AKAP10: variants seen among roughly 807,000 people sequenced by gnomAD.
AKAP10 encodes the protein A-kinase anchor protein 10, mitochondrial.
In AKAP10, 24 loss-of-function variants were observed where a neutral mutation model predicts 80.8. The observed-to-expected ratio is 0.30, with a 90% CI of 0.22 to 0.42. The LOEUF (loss-of-function observed/expected upper bound fraction) is 0.42, where lower values mean the gene tolerates loss of function less well. Among genes scored for constraint, AKAP10 ranks in the 10% least tolerant of loss-of-function variants. The pLI, the probability that AKAP10 is intolerant of heterozygous loss-of-function variation, is 1.00. For missense variants in AKAP10, 661 were observed against 794.9 expected, an observed-to-expected ratio of 0.83 and a Z score of 2.03; for synonymous variants, 291 against 277.7, an observed-to-expected ratio of 1.05 and a Z score of -0.48.
At chr17:19,922,914 A>C (rs1293251141) in intron 11 of AKAP10, among the ~76,000 whole-genome samples, 2 of 152,150 alleles carry the variant, frequency 1.3e-5, no homozygotes, top group Non-Finnish European at 2.9e-5. Context: ...AACCAAAACA[A>C]AACAAAAACA....
chr17:19,950,573 G>A (rs973754759), intron 4 of AKAP10, among the ~76,000 whole-genome samples: 1 of 152,256 alleles, frequency 6.6e-6, no homozygotes, highest in South Asian at 2.1e-4. Context: ...GGCCTCCCGA[G>A]GTGCCAGGAT....
At chr17:19,968,794 A>C (rs2043456974) in intron 1 of AKAP10, among the ~76,000 whole-genome samples, 1 of 152,170 alleles carries the variant, frequency 6.6e-6, no homozygotes, top group South Asian at 2.1e-4. Flanking sequence ...TTGATTTATA[A>C]AATTAGGTCA....
chr17:19,965,910 C>G (rs575111855), intron 2 of AKAP10, among the ~76,000 whole-genome samples: 1 of 151,622 alleles, frequency 6.6e-6, no homozygotes, highest in South Asian at 2.1e-4. Flanking sequence ...CTTGTAAGAC[C>G]ATATTTTCCT....
At chr17:19,962,479 A>G (rs920570851) in intron 3 of AKAP10, among the ~76,000 whole-genome samples, 3 of 152,220 alleles carry the variant, frequency 2.0e-5, no homozygotes, top group Non-Finnish European at 4.4e-5. Flanking sequence ...ATTTCCCTGC[A>G]TCTTCACTGA....
intron 1 of AKAP10, among the ~76,000 whole-genome samples, chr17:19,971,551 A>C (rs1336679355): frequency 6.6e-6 from 1 of 152,106 alleles, no homozygotes; most frequent in Non-Finnish European, 1.5e-5. Context: ...CACTCTATAC[A>C]TATCTGACCT....
intron 3 of AKAP10, among the ~76,000 whole-genome samples, 160 bp from the exon 4 acceptor site, chr17:19,958,731 T>C (rs1451687609): frequency 3.3e-5 from 5 of 152,176 alleles, no homozygotes; most frequent in African/African-American, 1.2e-4. Flanking sequence ...ACTATGCTTT[T>C]GGTTTCTAAA....
At chr17:19,968,153 A>T (rs1267464628) in intron 2 of AKAP10, 3 of 280,152 alleles carry the variant, frequency 1.1e-5, no homozygotes, top group Non-Finnish European at 1.9e-5. Context: ...GTGAGCCAAG[A>T]TCGCGCCACT....
Position 19,908,157 on chromosome 17 carries a change from G to A in AKAP10, c.1983+1024C>T, listed in dbSNP as rs575095125. Among the ~76,000 whole-genome samples the A allele has an allele frequency of 7.9e-5, 12 of 152,102 alleles. No homozygotes were observed. The East Asian group carries it at 9.7e-4, about 12-fold the overall frequency. On this transcript the variant is annotated intron_variant, in intron 14 of 14. Coordinates refer to ENST00000225737, the MANE Select transcript of AKAP10 (RefSeq NM_007202.4). ...TGGGATTACAGGCATGAGCCACTGC[G>A]CCCAGCCTGGACGTCAGACATTCTA...
Position 19,936,384 on chromosome 17 carries a change from C to A in AKAP10, c.1369G>T (p.Val457Leu). The A allele has an allele frequency of 6.2e-7, 1 of 1,613,532 alleles. No homozygotes were observed. Reference sequence around the variant, plus strand: ...ATATTGGATTCAATTTCTAATCGTACAACATCATCAAATCCAAGAGGATGT... The same window carrying A: ...ATATTGGATTCAATTTCTAATCGTAAAACATCATCAAATCCAAGAGGATGT... ...ATHPLGFDDVVRLEIESNICR... is the reference protein window; with the variant it reads ...ATHPLGFDDVLRLEIESNICR... Residue 457 changes from valine to leucine, a missense_variant, in exon 9 of 15, where the codon GTA becomes TTA. Coordinates refer to ENST00000225737, the MANE Select transcript of AKAP10 (RefSeq NM_007202.4).
chr17:19,913,802 C>A (rs2042716717), intron 12 of AKAP10, among the ~76,000 whole-genome samples: 1 of 152,188 alleles, frequency 6.6e-6, no homozygotes, highest in South Asian at 2.1e-4. Flanking sequence ...TTTTTTCTTA[C>A]ATAAATATAA....
rs137909095 is a variant in AKAP10 at position 19,907,948 on chromosome 17, T to C, written c.1983+1233A>G. Among the ~76,000 whole-genome samples the C allele has an allele frequency of 5.3e-3, 797 of 151,436 alleles. 16 individuals carry two copies. The East Asian group carries it at 0.074, about 14-fold the overall frequency. Reference sequence around the variant, plus strand: ...GTGCGATCTCGGCTCACTGCAACCTTCACCTCCTGGGTTCAGGCAATTCTC... The same window carrying C: ...GTGCGATCTCGGCTCACTGCAACCTCCACCTCCTGGGTTCAGGCAATTCTC... On this transcript the variant is annotated intron_variant, in intron 14 of 14. Coordinates refer to ENST00000225737, the MANE Select transcript of AKAP10 (RefSeq NM_007202.4).
chr17:19,908,675 C>T lies in AKAP10; in HGVS notation c.1983+506G>A, dbSNP rs938080500. 5.9e-5 allele frequency among the ~76,000 whole-genome samples: 9 copies of T among 151,846 alleles called. No homozygotes were observed. The South Asian group carries it at 1.0e-3, about 18-fold the overall frequency. ...TTTTTTTTTGAAATGGGGTTTCGCTCGTCGCCCAGGCTGGAGTGCAGTGGT... is the reference window on the plus strand; with the variant it reads ...TTTTTTTTTGAAATGGGGTTTCGCTTGTCGCCCAGGCTGGAGTGCAGTGGT... On this transcript the variant is annotated intron_variant, in intron 14 of 14. Transcript: ENST00000225737.
intron 1 of AKAP10, 95 bp downstream of exon 1, chr17:19,977,497 T>TAG: frequency 9.7e-7 from 1 of 1,026,160 alleles, no homozygotes; most frequent in Non-Finnish European, 1.3e-6. Context: ...GCTGAAGGCC[T>TAG]TGCTGCCGCC....
Position 19,964,476 on chromosome 17 carries a change from T to A in AKAP10, c.137-1454A>T, listed in dbSNP as rs140396865. Among the ~76,000 whole-genome samples the A allele has an allele frequency of 3.2e-3, 488 of 152,352 alleles. 2 individuals carry two copies. Among genetic ancestry groups the A allele is most frequent in the African/African-American group, 0.011 (467 of 41,584 alleles). On this transcript the variant is annotated intron_variant, in intron 2 of 14. Coordinates refer to ENST00000225737, the MANE Select transcript of AKAP10 (RefSeq NM_007202.4). ...TCTTTGGCTCCCCTTCTTGAGGCTA[T>A]CTGTTCTTCTTTTATTCTTTCTGCT...
At chr17:19,914,509 G>T (rs1418815819) in intron 12 of AKAP10, among the ~76,000 whole-genome samples, 2 of 151,652 alleles carry the variant, frequency 1.3e-5, no homozygotes, top group Non-Finnish European at 2.9e-5. Context: ...AAGTATGGTG[G>T]TGTGTGCCTG....
intron 14 of AKAP10, among the ~76,000 whole-genome samples, chr17:19,906,548 C>G (rs964942672): frequency 2.0e-5 from 3 of 152,208 alleles, no homozygotes; most frequent in Admixed American, 6.5e-5. Context: ...AGTAATTCTA[C>G]TTCTAGGAAT....
At chr17:19,959,190 A>G (rs2043320056) in intron 3 of AKAP10, among the ~76,000 whole-genome samples, 1 of 152,140 alleles carries the variant, frequency 6.6e-6, no homozygotes, top group Non-Finnish European at 1.5e-5. Flanking sequence ...AACTTATGAT[A>G]CTAGTTCCAA....
intron 2 of AKAP10, among the ~76,000 whole-genome samples, chr17:19,964,118 A>G (rs1204908652): frequency 6.6e-6 from 1 of 152,160 alleles, no homozygotes; most frequent in Non-Finnish European, 1.5e-5. Flanking sequence ...AATTGGAGCA[A>G]AATAATTTTT....
At chr17:19,931,192 CTAAA>C (rs1365618432) in intron 10 of AKAP10, among the ~76,000 whole-genome samples, 1 of 151,876 alleles carries the variant, frequency 6.6e-6, no homozygotes, top group Admixed American at 6.6e-5. Context: ...AAAAAGTATC[CTAAA>C]TAAATACTTA....
Sources: allele counts gnomAD v4.1 joint callset (sites outside exome capture counted in the v4.1 genomes callset), GRCh38; gene constraint gnomAD v4.1.1; transcripts MANE v1.5; gene names NCBI Gene and HGNC (gene_info 2026-07-23, HGNC 2026-07-21).